Variants in COL5A1 observed in about 807,000 individuals in gnomAD.
The protein encoded by COL5A1 is collagen alpha-1(V) chain.
A neutral mutation model predicts 263.7 loss-of-function variants in COL5A1; 16 were observed. That is an observed-to-expected ratio of 0.06 (90% confidence interval 0.04 to 0.09). COL5A1 has a LOEUF of 0.09. COL5A1 is among the 10% of genes least tolerant of loss of function. The pLI is 1.00. For synonymous variants in COL5A1, 1,012 were observed against 1,004.5 expected (o/e 1.01, Z -0.14); for missense variants, 2,036 against 2,540.5 (o/e 0.80, Z 4.27).
At chr9:134,689,171 C>G (rs1207267052) in intron 1 of COL5A1, among the ~76,000 whole-genome samples, 21 of 152,222 alleles carry the variant, frequency 1.4e-4, no homozygotes. Context: ...CAGCCACCTC[C>G]TCCCGTGGCA....
At chr9:134,669,873 C>T (rs1350131180) in intron 1 of COL5A1, among the ~76,000 whole-genome samples, 1 of 152,210 alleles carries the variant, frequency 6.6e-6, no homozygotes, top group Non-Finnish European at 1.5e-5. Flanking sequence ...TTAAAGTCCA[C>T]ATGTTCCTGG....
At chr9:134,708,392 C>T (rs990633156) in intron 4 of COL5A1, 4 of 379,418 alleles carry the variant, frequency 1.1e-5, no homozygotes, top group Non-Finnish European at 2.1e-5. Flanking sequence ...GGCCAGTGCG[C>T]CTGCCATTGC....
At chr9:134,819,196 G>A in intron 57 of COL5A1, 143 bp downstream of exon 57, 2 of 909,274 alleles carry the variant, frequency 2.2e-6, no homozygotes, top group Admixed American at 2.0e-5. Context: ...AACCTGAGGG[G>A]TGACAAAGGA....
At position 134,652,377 on chromosome 9, in the gene COL5A1, G is replaced by A. The variant is rs1193201854; in HGVS notation, c.109+10081G>A. 1.3e-5 allele frequency among the ~76,000 whole-genome samples: 2 copies of A among 150,988 alleles called. No homozygotes were observed. Among genetic ancestry groups the A allele is most frequent in the Admixed American group, 6.6e-5 (1 of 15,212 alleles). On this transcript the variant is annotated intron_variant, in intron 1 of 65. Transcript: ENST00000371817. The surrounding 1 kb of genome is among the most constrained non-coding windows in gnomAD (Gnocchi z 4.4). ...GGTGGGGCAAGGAGATGCCCCAGGT[G>A]GAGCCATCGGGAGAGGGAGAGGGGG... is the stretch of plus-strand genomic sequence containing the variant.
rs76023784 is a variant in COL5A1, at chr9:134,647,202, C to G, written c.109+4906C>G. On this transcript the variant is annotated intron_variant, in intron 1 of 65. Transcript: ENST00000371817. This position sits in a 1 kb window ranked among gnomAD's most constrained non-coding sequence, Gnocchi z 5.0. ...AGACCCCTGGGGCTCTGCTGTTGCC[C>G]GCTTAGCCGGTCTCTGCTGCCCCTT... 6.6e-6 allele frequency among the ~76,000 whole-genome samples: 1 copy of G among 152,158 alleles called. No homozygotes were observed. The highest frequency in any genetic ancestry group is 1.5e-5 in the Non-Finnish European group (1 of 68,040).
chr9:134,683,183 G>C (rs563773038), intron 1 of COL5A1, among the ~76,000 whole-genome samples: 14 of 152,316 alleles, frequency 9.2e-5, no homozygotes, highest in African/African-American at 3.1e-4. Flanking sequence ...AGGTGGTCAG[G>C]GGTCACCTCC....
intron 4 of COL5A1, among the ~76,000 whole-genome samples, chr9:134,715,878 CTCTT>C (rs764876789): frequency 1.3e-5 from 2 of 152,072 alleles, no homozygotes; most frequent in Non-Finnish European, 2.9e-5. Flanking sequence ...AGTCTGATCT[CTCTT>C]TCTTTTCCCC....
At position 134,754,039 on chromosome 9, in the gene COL5A1, G is replaced by A; in HGVS notation, c.1773+136G>A. On this transcript the variant is annotated intron_variant, in intron 15 of 65. Coordinates refer to ENST00000371817, the MANE Select transcript of COL5A1 (RefSeq NM_000093.5). This position sits in a 1 kb window ranked among gnomAD's most constrained non-coding sequence, Gnocchi z 4.3. Reference sequence around the variant, plus strand: ...GGGAATTGTCCTTGCTTTACGCAGTGCTGAGGGTGGAGCACAATGAACTCT... The same window carrying A: ...GGGAATTGTCCTTGCTTTACGCAGTACTGAGGGTGGAGCACAATGAACTCT... The A allele has an allele frequency of 1.1e-6, 1 of 870,344 alleles. No individual in the cohort carries two copies. The allele number at this position is 870,344 out of a possible 1,614,324, so 53.9% of individuals were successfully genotyped here.
intron 39 of COL5A1, among the ~76,000 whole-genome samples, chr9:134,803,961 T>A (rs1034016529): frequency 6.6e-6 from 1 of 152,100 alleles, no homozygotes; most frequent in African/African-American, 2.4e-5. Context: ...TTTTCATATC[T>A]CCTCCCCTGG....
intron 29 of COL5A1, 68 bp from the exon 30 acceptor site, chr9:134,784,921 A>G: frequency 1.5e-6 from 2 of 1,328,450 alleles, no homozygotes; most frequent in South Asian, 1.2e-5. Context: ...CCTTGCTCTC[A>G]GAATGGTGGT....
At chr9:134,785,530 C>T (rs1170550034) in intron 30 of COL5A1, among the ~76,000 whole-genome samples, 2 of 152,188 alleles carry the variant, frequency 1.3e-5, no homozygotes, top group African/African-American at 4.8e-5. Context: ...AATAGGCCTG[C>T]AGTTTCCAGC....
intron 10 of COL5A1, 39 bp from the exon 11 acceptor site, chr9:134,738,707 C>A: frequency 1.3e-6 from 2 of 1,570,362 alleles, no homozygotes; most frequent in Non-Finnish European, 1.8e-6. Flanking sequence ...GCCCTGCGGC[C>A]CCATCTTCTA....
intron 26 of COL5A1, among the ~76,000 whole-genome samples, chr9:134,773,731 C>T (rs1269165178): frequency 2.0e-5 from 3 of 152,080 alleles, no homozygotes; most frequent in South Asian, 2.1e-4. Context: ...GCAGAGCTAG[C>T]GCCAGTCCTC....
At chr9:134,692,262 G>T (rs993177464) in intron 2 of COL5A1, among the ~76,000 whole-genome samples, 6 of 152,170 alleles carry the variant, frequency 3.9e-5, no homozygotes, top group African/African-American at 1.4e-4. Flanking sequence ...CCCACCTCTG[G>T]GTACCAGAGT....
chr9:134,732,931 G>C (rs987323837), intron 9 of COL5A1, among the ~76,000 whole-genome samples: 15 of 152,198 alleles, frequency 9.9e-5, no homozygotes, highest in Non-Finnish European at 2.2e-4. Context: ...GCCGCCGGCA[G>C]GCAGGATGCC....
chr9:134,654,407 G>A (rs1588406062), intron 1 of COL5A1, among the ~76,000 whole-genome samples: 1 of 106,612 alleles, frequency 9.4e-6, no homozygotes, highest in Non-Finnish European at 2.0e-5. Context: ...TAGGGCTGGT[G>A]TGTGTAGGGC....
At chr9:134,802,070 G>A in intron 38 of COL5A1, 63 bp downstream of exon 38, 1 of 1,512,196 alleles carries the variant, frequency 6.6e-7, no homozygotes, top group East Asian at 2.3e-5. Flanking sequence ...AGGGAAGAGG[G>A]TCCCAGCCCG....
rs1444508880 is a variant in COL5A1, at chr9:134,829,853, G to GA, written c.5068-123_5068-122insA. ...AGGCGCTCGGTGGGTCCTCCCTGCA[G>GA]CCCCCCCGGCGTGAGGATGCAGGCG... On this transcript the variant is annotated intron_variant, in intron 63 of 65. Coordinates refer to ENST00000371817, the MANE Select transcript of COL5A1 (RefSeq NM_000093.5). The GA allele has an allele frequency of 2.2e-4, 235 of 1,087,980 alleles. 1 individual carries two copies. The highest frequency in any genetic ancestry group is 1.7e-4 in the Non-Finnish European group (126 of 730,478). The allele number at this position is 1,087,980 out of a possible 1,614,324, so 67.4% of individuals were successfully genotyped here. A position where few individuals can be genotyped will look rare whatever the true frequency, so the allele number is the denominator to read the frequency against.
At chr9:134,720,296 C>T (rs1588469388) in intron 4 of COL5A1, among the ~76,000 whole-genome samples, 2 of 152,326 alleles carry the variant, frequency 1.3e-5, no homozygotes, top group African/African-American at 2.4e-5. Flanking sequence ...CACCCAAGCC[C>T]AAGCAGGGGC....
Sources: gnomAD v4.1 joint callset for allele counts (sites outside exome capture counted in the v4.1 genomes callset) on GRCh38, gnomAD v4.1.1 for gene constraint, Gnocchi (gnomAD v3.1) non-coding constraint, MANE v1.5 for transcripts, NCBI Gene and HGNC (gene_info 2026-07-23, HGNC 2026-07-21) for gene names.